The following MBLAC2 variants were observed in gnomAD, a reference collection of about 807,000 sequenced individuals.
The protein encoded by MBLAC2 is metallo-beta-lactamase domain containing 2, also known as acyl-coenzyme A thioesterase MBLAC2.
A neutral mutation model predicts 23.3 loss-of-function variants in MBLAC2; 24 were observed. That is an observed-to-expected ratio of 1.03 (90% CI 0.75 to 1.45). The LOEUF (loss-of-function observed/expected upper bound fraction) is 1.45. MBLAC2 is among the 40% of genes most tolerant of loss of function. MBLAC2 has a pLI of 0.00. For missense variants in MBLAC2, 358 were observed against 370.0 expected (o/e 0.97, Z 0.27); for synonymous variants, 162 against 150.9 (o/e 1.07, Z -0.54).
chr5:90,470,227 A>T (rs1182857472), intron 1 of MBLAC2, among the ~76,000 whole-genome samples: 1 of 152,176 alleles, frequency 6.6e-6, no homozygotes, highest in Non-Finnish European at 1.5e-5. Context: ...GAAGGGAATG[A>T]AGAGATTGGT....
intron 1 of MBLAC2, among the ~76,000 whole-genome samples, chr5:90,464,702 G>A (rs1368965353): frequency 6.6e-6 from 1 of 152,100 alleles, no homozygotes; most frequent in East Asian, 1.9e-4. Context: ...ACCAAGTGAA[G>A]TTTATTCCAG....
intron 1 of MBLAC2, chr5:90,473,336 ACT>A: frequency 3.6e-6 from 1 of 278,776 alleles, no homozygotes; most frequent in Non-Finnish European, 6.7e-6. Flanking sequence ...TGGTCTGATG[ACT>A]CTCTAAGGCT....
chr5:90,470,909 G>C (rs946659845), intron 1 of MBLAC2, among the ~76,000 whole-genome samples: 1 of 151,928 alleles, frequency 6.6e-6, no homozygotes, highest in Non-Finnish European at 1.5e-5. Flanking sequence ...GGAGAGGGAG[G>C]GGCATTCACT....
At chr5:90,466,431 T>C (rs1487741422) in intron 1 of MBLAC2, among the ~76,000 whole-genome samples, 1 of 152,192 alleles carries the variant, frequency 6.6e-6, no homozygotes, top group Non-Finnish European at 1.5e-5. Flanking sequence ...TAGGGGAACA[T>C]TTTTGTGACC....
Position 90,473,828 on chromosome 5 carries a change from G to A in MBLAC2, c.454+11C>T. ...CCTTAACGAGAGCGCGCGCCCGCGG[G>A]GGCCCATTACCATCCTGCAGGATGA... On this transcript the variant is annotated intron_variant, in intron 1 of 1. Coordinates refer to ENST00000316610, the MANE Select transcript of MBLAC2 (RefSeq NM_203406.2). The A allele has an allele frequency of 6.4e-7, 1 of 1,564,922 alleles. No homozygotes were observed. The highest frequency in any genetic ancestry group is 8.7e-7 in the Non-Finnish European group (1 of 1,154,728).
chr5:90,470,556 AG>A (rs1750526820), intron 1 of MBLAC2, among the ~76,000 whole-genome samples: 1 of 152,132 alleles, frequency 6.6e-6, no homozygotes, highest in African/African-American at 2.4e-5. Flanking sequence ...TTCACAGTAG[AG>A]AAAGAGGCCA....
rs918236686 is a variant in MBLAC2, at chr5:90,473,771, C to G, written c.454+68G>C. ...TATGGCCACGCAAGTCTGCAACATG[C>G]GGCACTCGGACAGTCTCTTCCCAAT... On this transcript the variant is annotated intron_variant, in intron 1 of 1. Coordinates refer to ENST00000316610, the MANE Select transcript of MBLAC2 (RefSeq NM_203406.2). 9.2e-6 allele frequency: 13 copies of G among 1,420,158 alleles called. No homozygotes were observed. The Admixed American group carries it at 2.6e-4, about 28-fold the overall frequency. 88.0% of individuals were successfully genotyped at this position (1,420,158 alleles called of 1,614,324 possible).
At chr5:90,464,177 C>G (rs934999380) in intron 1 of MBLAC2, among the ~76,000 whole-genome samples, 1 of 152,140 alleles carries the variant, frequency 6.6e-6, no homozygotes, top group African/African-American at 2.4e-5. Flanking sequence ...AATTTCAACC[C>G]TATAATAATT....
chr5:90,461,022 C>A lies in MBLAC2; in HGVS notation c.*145G>T. On this transcript the variant is annotated 3_prime_UTR_variant, in exon 2 of 2. Transcript: ENST00000316610. ...GAAAACAATTTAAACTAACAATTTT[C>A]TTTTTGGCTTATTCATTCTCAATCT... 1.5e-6 allele frequency: 1 copy of A among 670,950 alleles called. No homozygotes were observed. The highest frequency in any genetic ancestry group is 2.3e-6 in the Non-Finnish European group (1 of 430,752). 41.6% of individuals were successfully genotyped at this position (670,950 alleles called of 1,614,324 possible). A position where few individuals can be genotyped will look rare whatever the true frequency, so the allele number is the denominator to read the frequency against.
chr5:90,461,668 A>T, intron 1 of MBLAC2, 116 bp from the exon 2 acceptor site: 1 of 939,756 alleles, frequency 1.1e-6, no homozygotes, highest in Non-Finnish European at 1.6e-6. Context: ...ACTTTATTTC[A>T]TAAATACTGT....
At position 90,460,008 on chromosome 5, in the gene MBLAC2, C is replaced by G. The variant is rs113438404; in HGVS notation, c.*1159G>C. ...ACCCTTTATGAAATATTCTAAAAGG[C>G]CTTTTAGCAAATTATTATTAACAGC... On this transcript the variant is annotated 3_prime_UTR_variant, in exon 2 of 2. Transcript: ENST00000316610. The G allele has an allele frequency of 2.0e-5, 3 of 152,426 alleles. No individual in the cohort carries two copies. Among genetic ancestry groups the G allele is most frequent in the Non-Finnish European group, 2.9e-5 (2 of 67,958 alleles). 9.4% of individuals were successfully genotyped at this position (152,426 alleles called of 1,614,324 possible). A position where few individuals can be genotyped will look rare whatever the true frequency, so the allele number is the denominator to read the frequency against.
At chr5:90,473,365 C>T in intron 1 of MBLAC2, 1 of 366,070 alleles carries the variant, frequency 2.7e-6, no homozygotes, top group Admixed American at 4.8e-5. Context: ...GGGAACTGCC[C>T]ATACCCGGTG....
intron 1 of MBLAC2, among the ~76,000 whole-genome samples, chr5:90,463,070 G>C (rs894208302): frequency 6.6e-6 from 1 of 152,144 alleles, no homozygotes; most frequent in Admixed American, 6.6e-5. Flanking sequence ...ACAGAAAATT[G>C]ATAACATGTA....
Position 90,461,215 on chromosome 5 carries a change from A to G in MBLAC2, c.792T>C (p.Ser264=). The G allele has an allele frequency of 6.2e-7, 1 of 1,613,432 alleles. No individual in the cohort carries two copies. Among genetic ancestry groups the G allele is most frequent in the Non-Finnish European group, 8.5e-7 (1 of 1,179,726 alleles). ...TTACACGTAGAGCTAAACTTGCAAG[A>G]GATCGCATGGCAAAAGTAGAAACTT... ...CHKVSTFAMR[S]LASLALRVTN... The change falls in exon 2 of 2, where the codon TCT becomes TCC. Residue 264 remains serine, a synonymous_variant. Coordinates refer to ENST00000316610, the MANE Select transcript of MBLAC2 (RefSeq NM_203406.2).
chr5:90,471,889 A>G (rs1231527090), intron 1 of MBLAC2: 6 of 152,216 alleles, frequency 3.9e-5, no homozygotes, highest in Non-Finnish European at 8.8e-5. Context: ...ACTTTTGATA[A>G]CACGGATAAC....
intron 1 of MBLAC2, among the ~76,000 whole-genome samples, chr5:90,471,429 C>T (rs113966020): frequency 0.051 from 7,828 of 152,172 alleles, 426 homozygotes; most frequent in African/African-American, 0.12. Flanking sequence ...TGTACTATGT[C>T]AATTTAAGGT....
At position 90,474,333 on chromosome 5, in the gene MBLAC2, G is replaced by C. The variant is rs762012309; in HGVS notation, c.-41C>G. On this transcript the variant is annotated 5_prime_UTR_variant, in exon 1 of 2. Transcript: ENST00000316610. Reference sequence around the variant, plus strand: ...AGCCAGGCGGGGTGAGTGTGGGCGTGCGAGTCTCCCACAGGCTGTCCACAC... The same window carrying C: ...AGCCAGGCGGGGTGAGTGTGGGCGTCCGAGTCTCCCACAGGCTGTCCACAC... The C allele has an allele frequency of 1.6e-5, 25 of 1,568,386 alleles. No individual in the cohort carries two copies. The highest frequency in any genetic ancestry group is 1.8e-5 in the Non-Finnish European group (21 of 1,143,894).
At chr5:90,467,443 T>C (rs952845067) in intron 1 of MBLAC2, among the ~76,000 whole-genome samples, 6 of 152,226 alleles carry the variant, frequency 3.9e-5, no homozygotes, top group Non-Finnish European at 7.3e-5. Flanking sequence ...TGTTCCTCTT[T>C]TTGTCTTCTT....
chr5:90,468,551 T>C (rs1401943702), intron 1 of MBLAC2, among the ~76,000 whole-genome samples: 1 of 152,190 alleles, frequency 6.6e-6, no homozygotes, highest in Non-Finnish European at 1.5e-5. Flanking sequence ...ATGTTGTAAC[T>C]GTTTTTTATT....
Sources: allele counts gnomAD v4.1 joint callset (sites outside exome capture counted in the v4.1 genomes callset), GRCh38; gene constraint gnomAD v4.1.1; transcripts MANE v1.5; gene names NCBI Gene and HGNC (gene_info 2026-07-23, HGNC 2026-07-21).